NELL1: variants seen among roughly 807,000 people sequenced by gnomAD.
NELL1 encodes protein kinase C-binding protein NELL1.
In NELL1, 76 loss-of-function variants were observed where a neutral mutation model predicts 107.4. The observed-to-expected ratio is 0.71, with a 90% confidence interval of 0.59 to 0.86. The LOEUF (loss-of-function observed/expected upper bound fraction) is 0.86, where lower values mean the gene tolerates loss of function less well. NELL1 is among the 40% of genes least tolerant of loss of function. The pLI, the probability that NELL1 is intolerant of heterozygous loss-of-function variation, is 0.00. For missense variants in NELL1, 1,024 were observed against 1,005.5 expected (o/e 1.02, Z -0.25); for synonymous variants, 353 against 341.2 (o/e 1.03, Z -0.38).
chr11:20,835,103 C>A (rs1848510571), intron 3 of NELL1, among the ~76,000 whole-genome samples: 1 of 152,136 alleles, frequency 6.6e-6, no homozygotes, highest in Admixed American at 6.6e-5. Flanking sequence ...TACATTTTCC[C>A]CACTCCTGAA....
intron 2 of NELL1, among the ~76,000 whole-genome samples, chr11:20,691,912 C>T (rs1854477622): frequency 1.3e-5 from 2 of 152,062 alleles, no homozygotes; most frequent in African/African-American, 4.8e-5. Flanking sequence ...TCCATCGGGT[C>T]CTGGACTCTT....
intron 15 of NELL1, among the ~76,000 whole-genome samples, chr11:21,504,821 G>C (rs965552179): frequency 1.3e-5 from 2 of 152,074 alleles, no homozygotes; most frequent in African/African-American, 4.8e-5. Context: ...GCTGTCACTA[G>C]ATCCTTGCTG....
intron 13 of NELL1, among the ~76,000 whole-genome samples, chr11:21,146,680 C>T (rs1855985455): frequency 6.6e-6 from 1 of 152,124 alleles, no homozygotes; most frequent in Non-Finnish European, 1.5e-5. Flanking sequence ...AAATGGAGAA[C>T]CACCAGTTCC....
chr11:20,918,098 C>T (rs1395458928), intron 5 of NELL1, 84 bp from the exon 6 acceptor site: 5 of 796,546 alleles, frequency 6.3e-6, no homozygotes, highest in African/African-American at 1.7e-5. Context: ...AATAATCTGA[C>T]CTGCCAAGAG....
chr11:20,715,256 C>G (rs985190737), intron 2 of NELL1, among the ~76,000 whole-genome samples: 5 of 150,456 alleles, frequency 3.3e-5, no homozygotes, highest in African/African-American at 1.2e-4. Context: ...ATATATTGCG[C>G]TTAATTCCTA....
chr11:21,541,625 G>A (rs1856294644), intron 16 of NELL1, among the ~76,000 whole-genome samples: 1 of 152,054 alleles, frequency 6.6e-6, no homozygotes, highest in South Asian at 2.1e-4. Flanking sequence ...AGCCTTTGCA[G>A]GCAATACTGT....
At position 20,949,115 on chromosome 11, in the gene NELL1, C is replaced by T. The variant is rs188550879; in HGVS notation, c.1171+1680C>T. ...ATCATAGGTATATAAATGGGTGTGA[C>T]CATGTTCCAATGAAACTTTATTTAC... On this transcript the variant is annotated intron_variant, in intron 11 of 19. Transcript: ENST00000357134. Among the ~76,000 whole-genome samples, 275 of 152,276 alleles carry T rather than the reference C, an allele frequency of 1.8e-3. 3 individuals carry two copies. The highest frequency in any genetic ancestry group is 6.0e-3 in the African/African-American group (251 of 41,558).
intron 2 of NELL1, among the ~76,000 whole-genome samples, chr11:20,720,855 T>G (rs1049559387): frequency 6.6e-6 from 1 of 152,206 alleles, no homozygotes; most frequent in African/African-American, 2.4e-5. Flanking sequence ...TGTAAGGCCC[T>G]ATCTCTAAAC....
chr11:21,484,496 T>G (rs1854577742), intron 15 of NELL1, among the ~76,000 whole-genome samples: 1 of 152,086 alleles, frequency 6.6e-6, no homozygotes, highest in East Asian at 1.9e-4. Context: ...ACTCCCCATG[T>G]AACCACCTAA....
chr11:21,232,149 A>AT (rs577614917), intron 14 of NELL1, among the ~76,000 whole-genome samples: 26,194 of 53,548 alleles, frequency 0.49, 2,913 homozygotes, highest in South Asian at 0.55. Flanking sequence ...AAAAAAAATA[A>AT]AAAAAAAAAA....
intron 12 of NELL1, among the ~76,000 whole-genome samples, chr11:21,104,385 A>G (rs1402062888): frequency 6.6e-6 from 1 of 152,226 alleles, no homozygotes; most frequent in Admixed American, 6.5e-5. Context: ...AGAAATTCGT[A>G]TGCTGTGATT....
At chr11:21,084,853 C>T (rs76297442) in intron 12 of NELL1, among the ~76,000 whole-genome samples, 4,717 of 152,190 alleles carry the variant, frequency 0.031, 163 homozygotes, top group South Asian at 0.12. Context: ...CAGGATTTTC[C>T]TTTTTCAGTG....
intron 12 of NELL1, among the ~76,000 whole-genome samples, chr11:21,016,434 G>A (rs539728938): frequency 6.6e-6 from 1 of 152,100 alleles, no homozygotes; most frequent in South Asian, 2.1e-4. Flanking sequence ...CCTCAGGTTT[G>A]CCATGATTTA....
At chr11:21,362,826 C>T (rs11026048) in intron 14 of NELL1, among the ~76,000 whole-genome samples, 32,860 of 151,992 alleles carry the variant, frequency 0.22, 3,774 homozygotes, top group East Asian at 0.31. Context: ...CAAGTCTTGG[C>T]TCAGACTCTC....
chr11:21,020,297 A>G (rs1852667539), intron 12 of NELL1, among the ~76,000 whole-genome samples: 1 of 152,096 alleles, frequency 6.6e-6, no homozygotes, highest in Non-Finnish European at 1.5e-5. Context: ...AATTGGTCAA[A>G]GCTTTATTTC....
At chr11:21,365,280 A>G (rs1015297495) in intron 14 of NELL1, among the ~76,000 whole-genome samples, 3 of 152,158 alleles carry the variant, frequency 2.0e-5, no homozygotes, top group Non-Finnish European at 2.9e-5. Context: ...TTATCTGCGC[A>G]TAGTAGGTGG....
chr11:21,452,360 A>T (rs1422498384), intron 15 of NELL1, among the ~76,000 whole-genome samples: 6 of 152,110 alleles, frequency 3.9e-5, no homozygotes, highest in Admixed American at 3.9e-4. Context: ...AACATGTCCC[A>T]TTACTTTCTT....
At chr11:21,520,787 A>G (rs964966633) in intron 15 of NELL1, among the ~76,000 whole-genome samples, 2 of 152,100 alleles carry the variant, frequency 1.3e-5, no homozygotes, top group Non-Finnish European at 2.9e-5. Flanking sequence ...TGCTGACCTA[A>G]TTTCTATTCT....
At chr11:20,958,270 T>C in intron 11 of NELL1, among the ~76,000 whole-genome samples, 1 of 151,830 alleles carries the variant, frequency 6.6e-6, no homozygotes, top group African/African-American at 2.4e-5. Flanking sequence ...AAAAATTAGC[T>C]GGGCCTGGTG....
Sources: allele counts gnomAD v4.1 joint callset (sites outside exome capture counted in the v4.1 genomes callset), GRCh38; gene constraint gnomAD v4.1.1; transcripts MANE v1.5; gene names NCBI Gene and HGNC (gene_info 2026-07-23, HGNC 2026-07-21).